The following SMIM41 variants were observed in gnomAD, a reference collection of about 807,000 sequenced individuals.
SMIM41 encodes small integral membrane protein 41.
chr12:52,103,357 CA>C (rs532598136), intron 2 of SMIM41, among the ~76,000 whole-genome samples: 6,224 of 116,904 alleles, frequency 0.053, 146 homozygotes, highest in South Asian at 0.098. Context: ...AAAATAAAAC[CA>C]AAAAAAAAAA....
At chr12:52,096,983 C>T (rs1303792008) in intron 2 of SMIM41, among the ~76,000 whole-genome samples, 1 of 151,932 alleles carries the variant, frequency 6.6e-6, no homozygotes, top group Non-Finnish European at 1.5e-5. Context: ...CCCAATAATC[C>T]AGAAGGTGTA....
At chr12:52,087,295 G>A (rs897097908) in intron 2 of SMIM41, among the ~76,000 whole-genome samples, 1 of 152,196 alleles carries the variant, frequency 6.6e-6, no homozygotes, top group Non-Finnish European at 1.5e-5. Context: ...TCCGGTTTCT[G>A]CCACCTTAAA....
intron 2 of SMIM41, among the ~76,000 whole-genome samples, chr12:52,098,810 T>A (rs188552911): frequency 7.3e-4 from 110 of 151,602 alleles, no homozygotes; most frequent in Non-Finnish European, 1.2e-4. Context: ...AGGAAGGGTA[T>A]CAGAGGGGGA....
At chr12:52,089,048 A>G (rs956299988) in intron 2 of SMIM41, among the ~76,000 whole-genome samples, 11 of 151,828 alleles carry the variant, frequency 7.2e-5, no homozygotes, top group South Asian at 2.1e-4. Flanking sequence ...TGTGCCAGGC[A>G]CTGCTCCAGG....
At chr12:52,098,742 G>T (rs999323050) in intron 2 of SMIM41, among the ~76,000 whole-genome samples, 2 of 151,304 alleles carry the variant, frequency 1.3e-5, no homozygotes, top group African/African-American at 2.4e-5. Context: ...CACGGGGGGG[G>T]GGGTGTACTG....
At position 52,085,020 on chromosome 12, in the gene SMIM41, C is replaced by T. The variant is rs75631356; in HGVS notation, c.*195+1052C>T. 9.6e-4 allele frequency among the ~76,000 whole-genome samples: 146 copies of T among 152,260 alleles called. 3 individuals carry two copies. The East Asian group carries it at 0.027, about 28-fold the overall frequency. On this transcript the variant is annotated intron_variant, in intron 2 of 2. Transcript: ENST00000546390. The stretch of plus-strand genomic sequence containing the variant: ...GGAGGGGAGGACGATGTTCTGGTTT[C>T]CAGCCTGAATACTGTGTGTGCGGTG...
Position 52,107,610 on chromosome 12 carries a change from T to C in SMIM41, c.*427T>C. On this transcript the variant is annotated 3_prime_UTR_variant, in exon 3 of 3. Transcript: ENST00000546390. ...CCAGTCTCGCAGCAGAGTCATCTCC[T>C]ATGCAGGCTGCCTGACTCAGAAGTC... 4 of 627,960 alleles carry C rather than the reference T, an allele frequency of 6.4e-6. No individual in the cohort carries two copies. Among genetic ancestry groups the C allele is most frequent in the Admixed American group, 1.9e-5 (1 of 51,496 alleles). 38.9% of individuals were successfully genotyped at this position (627,960 alleles called of 1,614,324 possible).
intron 2 of SMIM41, among the ~76,000 whole-genome samples, chr12:52,101,652 T>G (rs1940218652): frequency 6.6e-6 from 1 of 152,160 alleles, no homozygotes; most frequent in African/African-American, 2.4e-5. Flanking sequence ...GCTTCCTAAC[T>G]TTCTCATTAT....
chr12:52,081,724 A>G lies in SMIM41; in HGVS notation c.*120+1543A>G, dbSNP rs1939822318. 1.3e-5 allele frequency among the ~76,000 whole-genome samples: 2 copies of G among 151,088 alleles called. No homozygotes were observed. Among genetic ancestry groups the G allele is most frequent in the Admixed American group, 1.3e-4 (2 of 15,178 alleles). Reference sequence around the variant, plus strand: ...CTTGCCTGTCACCCTCTGGCCCCATACTCTCCTCTCCTTTCCCAGCTGGGA... The same window carrying G: ...CTTGCCTGTCACCCTCTGGCCCCATGCTCTCCTCTCCTTTCCCAGCTGGGA... On this transcript the variant is annotated intron_variant, in intron 1 of 2. Coordinates refer to ENST00000546390, the MANE Select transcript of SMIM41 (RefSeq NM_001369216.1). The surrounding 1 kb of genome is among the most constrained non-coding windows in gnomAD (Gnocchi z 4.1).
At chr12:52,103,384 AACAG>A (rs1474525514) in intron 2 of SMIM41, among the ~76,000 whole-genome samples, 1 of 150,574 alleles carries the variant, frequency 6.6e-6, no homozygotes, top group Non-Finnish European at 1.5e-5. Flanking sequence ...CAAAAAACAA[AACAG>A]ACAGGCACTT....
chr12:52,094,167 C>A (rs1362898601), intron 2 of SMIM41, among the ~76,000 whole-genome samples: 4 of 147,520 alleles, frequency 2.7e-5, no homozygotes, highest in African/African-American at 1.0e-4. Flanking sequence ...AAAGAAAAAT[C>A]TAACTTGAAC....
intron 2 of SMIM41, among the ~76,000 whole-genome samples, chr12:52,090,426 TAGAG>T (rs1939978973): frequency 8.1e-6 from 1 of 123,682 alleles, no homozygotes; most frequent in African/African-American, 3.2e-5. Flanking sequence ...GAATGGGCAA[TAGAG>T]AGAGTGGGGA....
chr12:52,086,971 G>T (rs1476624976), intron 2 of SMIM41, among the ~76,000 whole-genome samples: 1 of 152,116 alleles, frequency 6.6e-6, no homozygotes, highest in Non-Finnish European at 1.5e-5. Context: ...TGCCCCCAAA[G>T]AACATCACAC....
chr12:52,098,640 G>C (rs1216748195), intron 2 of SMIM41, among the ~76,000 whole-genome samples: 1 of 150,306 alleles, frequency 6.7e-6, no homozygotes, highest in Non-Finnish European at 1.5e-5. Flanking sequence ...CTCTCCCCTA[G>C]ATATTAGGAA....
rs1940053893 is a variant in SMIM41 at position 52,094,271 on chromosome 12, TC to T, written c.*195+10304del. Among the ~76,000 whole-genome samples the T allele has an allele frequency of 3.3e-5, 5 of 151,332 alleles. 1 individual carries two copies. Among genetic ancestry groups the T allele is most frequent in the African/African-American group, 1.2e-4 (5 of 41,278 alleles). On this transcript the variant is annotated intron_variant, in intron 2 of 2. Transcript: ENST00000546390. ...AGTGCAGTGGCAGCACAGTCTCAGTTCACTGCAACCTCTGCCTCCTGGGTTC... is the reference window on the plus strand; with the variant it reads ...AGTGCAGTGGCAGCACAGTCTCAGTTACTGCAACCTCTGCCTCCTGGGTTC...
chr12:52,104,841 T>C (rs1940300415), intron 2 of SMIM41, among the ~76,000 whole-genome samples: 1 of 152,168 alleles, frequency 6.6e-6, no homozygotes, highest in Non-Finnish European at 1.5e-5. Context: ...AAGAGGATGA[T>C]GACAGACACC....
chr12:52,092,947 C>T (rs777098297), intron 2 of SMIM41, among the ~76,000 whole-genome samples: 5 of 152,070 alleles, frequency 3.3e-5, no homozygotes, highest in Admixed American at 6.5e-5. Flanking sequence ...TTTGGTAGGT[C>T]GAGGCGGGCA....
At chr12:52,082,727 C>T (rs112262423) in intron 1 of SMIM41, among the ~76,000 whole-genome samples, 4,607 of 152,256 alleles carry the variant, frequency 0.03, 85 homozygotes, top group Middle Eastern at 0.075. Context: ...AGATCTTGCC[C>T]TAACCTTCCT....
intron 2 of SMIM41, among the ~76,000 whole-genome samples, chr12:52,085,506 T>C (rs1939880250): frequency 6.6e-6 from 1 of 152,078 alleles, no homozygotes; most frequent in Non-Finnish European, 1.5e-5. Flanking sequence ...GCCAAGAAAA[T>C]GCACTGTGAG....
Sources: allele counts gnomAD v4.1 joint callset (sites outside exome capture counted in the v4.1 genomes callset), GRCh38; gene constraint gnomAD v4.1.1; non-coding constraint Gnocchi (gnomAD v3.1); transcripts MANE v1.5; gene names NCBI Gene and HGNC (gene_info 2026-07-23, HGNC 2026-07-21).